TAFA4: variants seen among roughly 807,000 people sequenced by gnomAD.
TAFA4 encodes TAFA chemokine like family member 4.
Under a neutral mutation model 21.1 loss-of-function variants are expected in TAFA4, and 20 were observed. The ratio of observed to expected loss-of-function variants is 0.95; its 90% confidence interval spans 0.67 to 1.38. The LOEUF (loss-of-function observed/expected upper bound fraction) is 1.38. Among genes scored for constraint, TAFA4 ranks in the 40% most tolerant of loss-of-function variants. The pLI, the probability that TAFA4 is intolerant of heterozygous loss-of-function variation, is 0.00. For synonymous variants in TAFA4, 71 were observed against 67.4 expected, an observed-to-expected ratio of 1.05 and a Z score of -0.26; for missense variants, 211 against 180.9, an observed-to-expected ratio of 1.17 and a Z score of -0.95.
At chr3:68,912,600 C>T (rs2089970391) in intron 1 of TAFA4, among the ~76,000 whole-genome samples, 3 of 152,344 alleles carry the variant, frequency 2.0e-5, no homozygotes, top group Admixed American at 2.0e-4. Flanking sequence ...TCTTACTCAT[C>T]TGTGTGTGCC....
At chr3:68,805,922 T>C (rs574184223) in intron 3 of TAFA4, among the ~76,000 whole-genome samples, 3 of 152,208 alleles carry the variant, frequency 2.0e-5, no homozygotes, top group East Asian at 1.9e-4. Context: ...AACCTGCACA[T>C]TGTGCACATG....
At chr3:68,790,945 G>T (rs919156348) in intron 3 of TAFA4, among the ~76,000 whole-genome samples, 7 of 152,158 alleles carry the variant, frequency 4.6e-5, no homozygotes, top group Admixed American at 2.6e-4. Flanking sequence ...GAAGGATAAG[G>T]CAAACGTGGA....
intron 3 of TAFA4, among the ~76,000 whole-genome samples, chr3:68,783,704 AGAG>A (rs1575606803): frequency 2.7e-5 from 3 of 112,988 alleles, no homozygotes; most frequent in East Asian, 3.6e-4. Context: ...AGAGAGAGAG[AGAG>A]AAAGAAAAAG....
intron 1 of TAFA4, among the ~76,000 whole-genome samples, chr3:68,914,857 T>C (rs2089989150): frequency 6.6e-6 from 1 of 152,068 alleles, no homozygotes; most frequent in East Asian, 1.9e-4. Flanking sequence ...TCCCAAATGG[T>C]TGGGGGAAAA....
In TAFA4 at chr3:68,759,595, C is replaced by A. The variant is rs546779122; in HGVS notation, c.131-6577G>T. Among the ~76,000 whole-genome samples the A allele has an allele frequency of 4.4e-4, 67 of 152,214 alleles. 1 individual carries two copies. The highest frequency in any genetic ancestry group is 1.6e-3 in the African/African-American group (66 of 41,532). On this transcript the variant is annotated intron_variant, in intron 3 of 5. Transcript: ENST00000295569. ...AAGATGAATTTTTCCTCTAAAACAG[C>A]AGGGGAACATAATGGTGTGGCGATC...
chr3:68,783,757 G>GAAAC (rs1553641311), intron 3 of TAFA4, among the ~76,000 whole-genome samples: 8 of 149,174 alleles, frequency 5.4e-5, no homozygotes, highest in African/African-American at 2.0e-4. Context: ...AAGAAAGAAA[G>GAAAC]AAACAAAAAC....
At chr3:68,924,223 G>T (rs1013597303) in intron 1 of TAFA4, among the ~76,000 whole-genome samples, 1 of 152,102 alleles carries the variant, frequency 6.6e-6, no homozygotes, top group East Asian at 1.9e-4. Context: ...TAGCCAAAAG[G>T]TGGAAAAAAA....
At chr3:68,919,615 T>A (rs2090038889) in intron 1 of TAFA4, among the ~76,000 whole-genome samples, 1 of 152,210 alleles carries the variant, frequency 6.6e-6, no homozygotes, top group African/African-American at 2.4e-5. Flanking sequence ...AATTTGCTTC[T>A]TGAGTCACAT....
intron 1 of TAFA4, among the ~76,000 whole-genome samples, chr3:68,925,612 T>C (rs2090100482): frequency 6.6e-6 from 1 of 152,332 alleles, no homozygotes; most frequent in South Asian, 2.1e-4. Flanking sequence ...GTAAACAGGA[T>C]GCATTACAAA....
chr3:68,842,893 T>G (rs1033721736), intron 3 of TAFA4, among the ~76,000 whole-genome samples: 1 of 152,188 alleles, frequency 6.6e-6, no homozygotes, highest in Non-Finnish European at 1.5e-5. Flanking sequence ...CATTGGTCTA[T>G]GTATCTGCTT....
intron 3 of TAFA4, among the ~76,000 whole-genome samples, chr3:68,781,478 A>C (rs1703152645): frequency 6.6e-6 from 1 of 152,072 alleles, no homozygotes; most frequent in South Asian, 2.1e-4. Context: ...ATAAAAGGAA[A>C]AATGGTATAT....
At chr3:68,847,958 T>C (rs899289161) in intron 3 of TAFA4, among the ~76,000 whole-genome samples, 22 of 152,244 alleles carry the variant, frequency 1.4e-4, no homozygotes, top group Non-Finnish European at 3.1e-4. Flanking sequence ...CAAGACCTAA[T>C]GCTAAGAACA....
chr3:68,736,676 C>G (rs1702246456), intron 5 of TAFA4, among the ~76,000 whole-genome samples: 1 of 152,078 alleles, frequency 6.6e-6, no homozygotes, highest in African/African-American at 2.4e-5. Flanking sequence ...TCTGTCTTAC[C>G]TGTGGTGTAA....
At chr3:68,767,009 C>G (rs1383238561) in intron 3 of TAFA4, among the ~76,000 whole-genome samples, 1 of 152,046 alleles carries the variant, frequency 6.6e-6, no homozygotes, top group Admixed American at 6.6e-5. Flanking sequence ...AAGCATGAGA[C>G]TTAGCAAATA....
intron 3 of TAFA4, among the ~76,000 whole-genome samples, chr3:68,778,679 G>A (rs1029166358): frequency 5.9e-5 from 9 of 152,298 alleles, no homozygotes; most frequent in African/African-American, 1.7e-4. Context: ...CAAGTAAGAC[G>A]GGACTTGCTC....
intron 3 of TAFA4, among the ~76,000 whole-genome samples, chr3:68,852,100 C>A (rs531027181): frequency 2.0e-5 from 3 of 152,186 alleles, no homozygotes; most frequent in African/African-American, 4.8e-5. Flanking sequence ...ACAACTGATA[C>A]GTGATGAAGA....
At chr3:68,811,619 A>T (rs975923263) in intron 3 of TAFA4, among the ~76,000 whole-genome samples, 13 of 152,218 alleles carry the variant, frequency 8.5e-5, no homozygotes, top group Non-Finnish European at 1.9e-4. Context: ...AGAGAAGTTT[A>T]GAGAAAAAAG....
intron 3 of TAFA4, among the ~76,000 whole-genome samples, chr3:68,827,233 G>T (rs919056456): frequency 1.3e-5 from 2 of 152,012 alleles, no homozygotes; most frequent in African/African-American, 4.8e-5. Context: ...TTTTATGGCT[G>T]CATAGTATTT....
At chr3:68,808,656 G>T (rs1703757827) in intron 3 of TAFA4, among the ~76,000 whole-genome samples, 2 of 152,076 alleles carry the variant, frequency 1.3e-5, no homozygotes, top group African/African-American at 2.4e-5. Flanking sequence ...TTATGGTTCA[G>T]TTCAATTTCC....
Sources: allele counts gnomAD v4.1 joint callset (sites outside exome capture counted in the v4.1 genomes callset), GRCh38; gene constraint gnomAD v4.1.1; transcripts MANE v1.5; gene names NCBI Gene and HGNC (gene_info 2026-07-23, HGNC 2026-07-21).